SLC24A2: variants seen among roughly 807,000 people sequenced by gnomAD.
SLC24A2 encodes the protein sodium/potassium/calcium exchanger 2.
SLC24A2 carries 36 observed loss-of-function variants against 62.0 expected under a neutral mutation model. The observed-to-expected ratio is 0.58, with a 90% CI of 0.44 to 0.77. The LOEUF (loss-of-function observed/expected upper bound fraction) is 0.77, where lower values mean the gene tolerates loss of function less well. Ranked by LOEUF, SLC24A2 falls within the 30% of genes least tolerant of loss-of-function variation. The probability of loss-of-function intolerance (pLI) is 0.00; values close to 1 mark genes in which losing one functional copy is unlikely to be tolerated. For missense variants in SLC24A2, 846 were observed against 817.9 expected, an observed-to-expected ratio of 1.03 and a Z score of -0.42; for synonymous variants, 358 against 294.0, an observed-to-expected ratio of 1.22 and a Z score of -2.23.
chr9:19,543,363 T>C (rs1005170026), intron 8 of SLC24A2, among the ~76,000 whole-genome samples: 2 of 151,284 alleles, frequency 1.3e-5, no homozygotes, highest in South Asian at 2.1e-4. Flanking sequence ...TTTTGATCTT[T>C]TCAAGAAACC....
chr9:20,211,410 G>T, the SLC24A2 span, among the ~76,000 whole-genome samples: 1 of 152,146 alleles, frequency 6.6e-6, no homozygotes, highest in African/African-American at 2.4e-5. Context: ...TACTAGGGCG[G>T]CTGAGGCAGG....
the SLC24A2 span, among the ~76,000 whole-genome samples, chr9:19,812,416 A>G: frequency 6.6e-6 from 1 of 152,098 alleles, no homozygotes; most frequent in Admixed American, 6.6e-5. Flanking sequence ...CTTCTACTTC[A>G]CTAATGCTCT....
At chr9:20,137,456 A>G in the SLC24A2 span, among the ~76,000 whole-genome samples, 1 of 152,300 alleles carries the variant, frequency 6.6e-6, no homozygotes, top group South Asian at 2.1e-4. Context: ...GAGGGCTTAC[A>G]TCTCATGTCA....
the SLC24A2 span, among the ~76,000 whole-genome samples, chr9:19,821,053 G>T: frequency 6.6e-6 from 1 of 152,000 alleles, no homozygotes; most frequent in South Asian, 2.1e-4. Context: ...AAATAAAATG[G>T]TAAATTTTTT....
At chr9:19,972,924 C>T in the SLC24A2 span, among the ~76,000 whole-genome samples, 1 of 152,092 alleles carries the variant, frequency 6.6e-6, no homozygotes, top group Non-Finnish European at 1.5e-5. Flanking sequence ...TCTACCTGCC[C>T]ACACTTGCCT....
At chr9:20,054,168 CT>C in the SLC24A2 span, among the ~76,000 whole-genome samples, 2 of 151,606 alleles carry the variant, frequency 1.3e-5, no homozygotes, top group African/African-American at 4.8e-5. Context: ...TTTCTTTTTT[CT>C]TTTTCTTTTC....
At chr9:19,777,409 C>A (rs1040111762) in intron 2 of SLC24A2, among the ~76,000 whole-genome samples, 12 of 152,122 alleles carry the variant, frequency 7.9e-5, no homozygotes, top group African/African-American at 2.4e-4. Context: ...AGCTGATAAG[C>A]CTTGACCCAG....
the SLC24A2 span, among the ~76,000 whole-genome samples, chr9:20,005,906 A>C: frequency 0.016 from 2,480 of 151,276 alleles, 50 homozygotes; most frequent in African/African-American, 0.056. Context: ...TTTATTTGTC[A>C]TATGAAAATA....
the SLC24A2 span, among the ~76,000 whole-genome samples, chr9:20,261,615 G>A: frequency 6.6e-6 from 1 of 151,932 alleles, no homozygotes; most frequent in Non-Finnish European, 1.5e-5. Flanking sequence ...GAATTTTGGG[G>A]GATGCATTTA....
At chr9:19,940,293 G>A in the SLC24A2 span, among the ~76,000 whole-genome samples, 4 of 152,204 alleles carry the variant, frequency 2.6e-5, no homozygotes, top group African/African-American at 9.6e-5. Context: ...TTTGCCAACT[G>A]TTCCATATAA....
At chr9:20,083,335 C>CA in the SLC24A2 span, among the ~76,000 whole-genome samples, 1 of 150,046 alleles carries the variant, frequency 6.7e-6, no homozygotes, top group Non-Finnish European at 1.5e-5. Context: ...TACAACTGAC[C>CA]AAATGAGCAA....
At chr9:19,807,066 A>G in the SLC24A2 span, among the ~76,000 whole-genome samples, 2 of 152,246 alleles carry the variant, frequency 1.3e-5, no homozygotes, top group Non-Finnish European at 2.9e-5. Flanking sequence ...TGCTAATTTT[A>G]CACTACATCT....
the SLC24A2 span, among the ~76,000 whole-genome samples, chr9:19,893,277 T>G: frequency 6.6e-6 from 1 of 152,324 alleles, no homozygotes; most frequent in South Asian, 2.1e-4. Flanking sequence ...AGCCTTGCTC[T>G]CTAGCAAGGA....
chr9:20,031,396 A>AGT, the SLC24A2 span, among the ~76,000 whole-genome samples: 747 of 146,728 alleles, frequency 5.1e-3, 5 homozygotes, highest in African/African-American at 0.017. Flanking sequence ...GTACTTATAA[A>AGT]GTGTGTGTGT....
At chr9:19,589,801 G>T (rs1437205034) in intron 5 of SLC24A2, among the ~76,000 whole-genome samples, 2 of 152,064 alleles carry the variant, frequency 1.3e-5, no homozygotes, top group African/African-American at 4.8e-5. Context: ...TTTTCATAGG[G>T]TTTAAGTAGA....
At chr9:20,187,445 C>A in the SLC24A2 span, among the ~76,000 whole-genome samples, 1 of 152,158 alleles carries the variant, frequency 6.6e-6, no homozygotes, top group Non-Finnish European at 1.5e-5. Context: ...GCCTGGAGTA[C>A]AAAGTCCTGA....
the SLC24A2 span, among the ~76,000 whole-genome samples, chr9:20,050,177 T>C: frequency 6.8e-6 from 1 of 147,676 alleles, no homozygotes; most frequent in Non-Finnish European, 1.5e-5. Context: ...TTGAAGCTAA[T>C]TGAATCAGTG....
chr9:19,956,047 G>C, the SLC24A2 span, among the ~76,000 whole-genome samples: 1 of 152,174 alleles, frequency 6.6e-6, no homozygotes, highest in African/African-American at 2.4e-5. Flanking sequence ...ACCACATTAA[G>C]AACTGGCTGC....
At chr9:19,880,366 T>G in the SLC24A2 span, among the ~76,000 whole-genome samples, 1 of 152,208 alleles carries the variant, frequency 6.6e-6, no homozygotes, top group East Asian at 1.9e-4. Context: ...TCACCACACA[T>G]GGAGCATCCT....
Sources: gnomAD v4.1 joint callset for allele counts (sites outside exome capture counted in the v4.1 genomes callset) on GRCh38, gnomAD v4.1.1 for gene constraint, MANE v1.5 for transcripts, NCBI Gene and HGNC (gene_info 2026-07-23, HGNC 2026-07-21) for gene names.